Variants in ZDHHC11B observed in about 807,000 individuals in gnomAD.
ZDHHC11B encodes the protein zDHHC palmitoyltransferase 11B (putative), also known as probable palmitoyltransferase ZDHHC11B.
A neutral mutation model predicts 42.3 loss-of-function variants in ZDHHC11B; 17 were observed. The ratio of observed to expected loss-of-function variants is 0.40; its 90% CI spans 0.27 to 0.60. ZDHHC11B has a LOEUF of 0.60. Ranked by LOEUF, ZDHHC11B falls within the 20% of genes least tolerant of loss-of-function variation. The pLI is 0.41. For missense variants in ZDHHC11B, 262 were observed against 463.2 expected (o/e 0.57, Z 3.99); for synonymous variants, 123 against 193.5 (o/e 0.64, Z 3.02).
chr5:774,472 C>T lies in ZDHHC11B; in HGVS notation c.-229-5542G>A, dbSNP rs183537615. 1.5e-4 allele frequency among the ~76,000 whole-genome samples: 20 copies of T among 130,368 alleles called. No individual in the cohort carries two copies. In the East Asian group the frequency reaches 1.9e-3, roughly 12 times the overall value. The allele number at this position is 130,368 out of a possible 152,430, so 85.5% of individuals were successfully genotyped here. A position where few individuals can be genotyped will look rare whatever the true frequency, so the allele number is the denominator to read the frequency against. On this transcript the variant is annotated intron_variant, in intron 1 of 13. Coordinates refer to ENST00000508859, the MANE Select transcript of ZDHHC11B (RefSeq NM_001351303.2). ...CCAGGGGCCTGTCAGTCACTAGGGC[C>T]GGGACCTGTCCCTTGGGCCTGGAGC...
rs1459434003 is a variant in ZDHHC11B, at chr5:761,066, G to A, written c.223-4922C>T. The stretch of plus-strand genomic sequence containing the variant: ...CCTAAACACACCAAGAGACTCCGTC[G>A]CAACATGCCCAGAACCTCGGCCGGA... On this transcript the variant is annotated intron_variant, in intron 4 of 13. Transcript: ENST00000508859. 1.2e-4 allele frequency among the ~76,000 whole-genome samples: 18 copies of A among 151,948 alleles called. 1 individual carries two copies. The highest frequency in any genetic ancestry group is 3.9e-4 in the Admixed American group (6 of 15,238).
At chr5:770,135 G>A (rs1579443956) in intron 1 of ZDHHC11B, among the ~76,000 whole-genome samples, 4 of 151,216 alleles carry the variant, frequency 2.6e-5, no homozygotes, top group South Asian at 2.1e-4. Context: ...GGAAGGAGAG[G>A]AGAAAGGTGT....
chr5:716,421 A>G lies in ZDHHC11B; in HGVS notation c.*7+380T>C, dbSNP rs114549076. 9.8e-3 allele frequency among the ~76,000 whole-genome samples: 1,490 copies of G among 151,714 alleles called. 45 individuals carry two copies. Among genetic ancestry groups the G allele is most frequent in the African/African-American group, 0.035 (1,419 of 41,098 alleles). ...TGAGCAGAAAGCAGGGATAGGTAGG[A>G]TCAGAGGCATCTAATCAGAAACCAT... On this transcript the variant is annotated intron_variant, in intron 13 of 13. Coordinates refer to ENST00000508859, the MANE Select transcript of ZDHHC11B (RefSeq NM_001351303.2).
At chr5:774,934 CGTGGATGGCT>C (rs1167879375) in intron 1 of ZDHHC11B, among the ~76,000 whole-genome samples, 4 of 152,014 alleles carry the variant, frequency 2.6e-5, no homozygotes, top group Admixed American at 2.6e-4. Context: ...CTGCTCTTCA[CGTGGATGGCT>C]GTGGGGTGGC....
chr5:721,525 G>A (rs1299418795), intron 12 of ZDHHC11B, among the ~76,000 whole-genome samples: 1 of 151,300 alleles, frequency 6.6e-6, no homozygotes, highest in African/African-American at 2.4e-5. Flanking sequence ...CGGGCCCCGA[G>A]ATATGGAGGG....
intron 12 of ZDHHC11B, among the ~76,000 whole-genome samples, chr5:723,089 A>G (rs1386001596): frequency 1.7e-5 from 2 of 115,316 alleles, no homozygotes; most frequent in Non-Finnish European, 3.6e-5. Context: ...GGGCCCCATC[A>G]ACAGATAAAG....
At chr5:716,020 C>G (rs1426621173) in intron 13 of ZDHHC11B, among the ~76,000 whole-genome samples, 2 of 150,366 alleles carry the variant, frequency 1.3e-5, no homozygotes, top group African/African-American at 2.5e-5. Context: ...TTGGGAGGTG[C>G]CTCTCTGAAG....
Position 715,424 on chromosome 5 carries a change from T to A in ZDHHC11B, c.*7+1377A>T, listed in dbSNP as rs1741677775. ...GGTGCTGTTCTGTAGACATTCTACA[T>A]GAGCTCAAGTTGTAGCCTCTTAAGT... On this transcript the variant is annotated intron_variant, in intron 13 of 13. Coordinates refer to ENST00000508859, the MANE Select transcript of ZDHHC11B (RefSeq NM_001351303.2). Among the ~76,000 whole-genome samples, 7 of 151,386 alleles carry A rather than the reference T, an allele frequency of 4.6e-5. No homozygotes were observed. In the South Asian group the frequency reaches 1.5e-3, roughly 32 times the overall value.
At chr5:719,518 G>A (rs1328430668) in intron 12 of ZDHHC11B, among the ~76,000 whole-genome samples, 1 of 151,132 alleles carries the variant, frequency 6.6e-6, no homozygotes, top group Non-Finnish European at 1.5e-5. Flanking sequence ...GAGCTGGAAA[G>A]TACATAACTG....
intron 4 of ZDHHC11B, among the ~76,000 whole-genome samples, chr5:760,543 C>T (rs1216122163): frequency 1.3e-5 from 2 of 151,690 alleles, no homozygotes; most frequent in Admixed American, 1.3e-4. Flanking sequence ...GTTGCAGGCA[C>T]CCGGTTTTTG....
chr5:771,597 C>T (rs1243399963), intron 1 of ZDHHC11B, among the ~76,000 whole-genome samples: 1 of 151,642 alleles, frequency 6.6e-6, no homozygotes, highest in African/African-American at 2.4e-5. Context: ...CCAGTTTTAT[C>T]GCTGACAACA....
intron 10 of ZDHHC11B, among the ~76,000 whole-genome samples, chr5:739,331 G>A (rs1362657437): frequency 6.6e-6 from 1 of 151,424 alleles, no homozygotes; most frequent in Non-Finnish European, 1.5e-5. Flanking sequence ...CCAGGAGGCA[G>A]AGGCTTCAGC....
intron 4 of ZDHHC11B, among the ~76,000 whole-genome samples, chr5:758,404 C>T (rs1734142956): frequency 6.6e-6 from 1 of 151,942 alleles, no homozygotes. Flanking sequence ...CTCACATTCT[C>T]CGGGCTTCGC....
intron 4 of ZDHHC11B, among the ~76,000 whole-genome samples, chr5:761,410 T>C (rs934694863): frequency 2.6e-5 from 4 of 151,788 alleles, no homozygotes; most frequent in Middle Eastern, 3.2e-3. Flanking sequence ...GACCCAGGCT[T>C]TGGGGGTATG....
chr5:711,197 GC>G lies in ZDHHC11B; in HGVS notation c.*1092del, dbSNP rs1331744218. ...CAGTACTATGCTCCCATTTCCCAGT[GC>G]TGTGCCCTCCCCTTTCCCAGTACTG... On this transcript the variant is annotated 3_prime_UTR_variant, in exon 14 of 14. Transcript: ENST00000508859. 2.7e-5 allele frequency: 4 copies of G among 149,256 alleles called. No homozygotes were observed. Among genetic ancestry groups the G allele is most frequent in the Non-Finnish European group, 4.4e-5 (3 of 67,956 alleles). The allele number at this position is 149,256 out of a possible 1,614,324, so 9.2% of individuals were successfully genotyped here.
At chr5:734,024 G>GT (rs1404558019) in intron 10 of ZDHHC11B, among the ~76,000 whole-genome samples, 185 bp from the exon 11 acceptor site, 1 of 146,402 alleles carries the variant, frequency 6.8e-6, no homozygotes, top group African/African-American at 2.6e-5. Flanking sequence ...AGTGGCACAC[G>GT]TAAGAAGCTT....
intron 4 of ZDHHC11B, among the ~76,000 whole-genome samples, chr5:757,397 G>C (rs751252394): frequency 1.3e-5 from 2 of 151,982 alleles, no homozygotes; most frequent in Non-Finnish European, 2.9e-5. Flanking sequence ...TCCTGCACCA[G>C]GCCAGGGGGC....
At chr5:722,366 A>C (rs1397560459) in intron 12 of ZDHHC11B, among the ~76,000 whole-genome samples, 1 of 151,644 alleles carries the variant, frequency 6.6e-6, no homozygotes, top group Admixed American at 6.6e-5. Context: ...AGAAAAGCAC[A>C]AAGAGTCCAG....
chr5:773,549 C>G (rs1736226394), intron 1 of ZDHHC11B, among the ~76,000 whole-genome samples: 1 of 151,770 alleles, frequency 6.6e-6, no homozygotes. Flanking sequence ...GGCCTGTGCC[C>G]ACCATCTCAG....
Sources: gnomAD v4.1 joint callset for allele counts (sites outside exome capture counted in the v4.1 genomes callset) on GRCh38, gnomAD v4.1.1 for gene constraint, MANE v1.5 for transcripts, NCBI Gene and HGNC (gene_info 2026-07-23, HGNC 2026-07-21) for gene names.